JAM3: variants seen among roughly 807,000 people sequenced by gnomAD.
JAM3 encodes the protein junctional adhesion molecule 3.
A neutral mutation model predicts 39.4 loss-of-function variants in JAM3; 31 were observed. The observed-to-expected ratio is 0.79, with a 90% CI of 0.59 to 1.06. The LOEUF (loss-of-function observed/expected upper bound fraction) is 1.06. JAM3 is among the 50% of genes least tolerant of loss of function. The pLI is 0.00. For synonymous variants in JAM3, 182 were observed against 148.7 expected (o/e 1.22, Z -1.63); for missense variants, 455 against 391.4 (o/e 1.16, Z -1.37).
intron 1 of JAM3, among the ~76,000 whole-genome samples, chr11:134,084,951 G>A (rs1941724685): frequency 6.7e-6 from 1 of 149,186 alleles, no homozygotes; most frequent in African/African-American, 2.5e-5. Context: ...ATTCAGTTTG[G>A]GTTAGTGGGA....
chr11:134,076,673 T>A (rs890223549), intron 1 of JAM3, among the ~76,000 whole-genome samples: 13 of 152,148 alleles, frequency 8.5e-5, no homozygotes, highest in African/African-American at 3.1e-4. Context: ...TTTTTTCTAT[T>A]GGTGTGCACC....
At chr11:134,108,594 C>A (rs989556185) in intron 1 of JAM3, among the ~76,000 whole-genome samples, 1 of 151,972 alleles carries the variant, frequency 6.6e-6, no homozygotes, top group Non-Finnish European at 1.5e-5. Flanking sequence ...AGGAAGAAAA[C>A]AAAAACAAAA....
intron 1 of JAM3, among the ~76,000 whole-genome samples, chr11:134,092,095 C>T (rs1941870705): frequency 6.6e-6 from 1 of 152,148 alleles, no homozygotes; most frequent in Non-Finnish European, 1.5e-5. Context: ...GCTCTTGGTG[C>T]AAAGCCGAAA....
chr11:134,130,346 T>C (rs1035348743), intron 1 of JAM3, among the ~76,000 whole-genome samples: 7 of 152,216 alleles, frequency 4.6e-5, no homozygotes, highest in Non-Finnish European at 8.8e-5. Flanking sequence ...ACTATCTGTG[T>C]CTTTTTCCCC....
chr11:134,095,367 C>A (rs1212713857), intron 1 of JAM3, among the ~76,000 whole-genome samples: 1 of 152,104 alleles, frequency 6.6e-6, no homozygotes, highest in Non-Finnish European at 1.5e-5. Flanking sequence ...CGCAGTGGCT[C>A]ACGCCTATAA....
Position 134,124,815 on chromosome 11 carries a change from C to T in JAM3, c.77-15036C>T, listed in dbSNP as rs908148062. Among the ~76,000 whole-genome samples the T allele has an allele frequency of 5.9e-5, 9 of 152,352 alleles. No individual in the cohort carries two copies. In the East Asian group the frequency reaches 7.7e-4, roughly 13 times the overall value. On this transcript the variant is annotated intron_variant, in intron 1 of 8. Transcript: ENST00000299106. ...CACATAGAACCTCTAAGCTTGTCAG[C>T]GAAAACGCTGTGCTGAGCCCGGCAG...
intron 1 of JAM3, among the ~76,000 whole-genome samples, chr11:134,116,441 A>C (rs1942435225): frequency 1.3e-5 from 2 of 152,276 alleles, no homozygotes; most frequent in South Asian, 4.1e-4. Flanking sequence ...GTGTGGATTT[A>C]TGGGTATTGT....
At chr11:134,074,270 G>A (rs1565480252) in intron 1 of JAM3, among the ~76,000 whole-genome samples, 3 of 152,076 alleles carry the variant, frequency 2.0e-5, no homozygotes, top group African/African-American at 4.8e-5. Context: ...GTTGATTCTT[G>A]TATTCCTTTG....
Position 134,149,475 on chromosome 11 carries a change from T to C in JAM3, c.*294T>C. 2 of 554,488 alleles carry C rather than the reference T, an allele frequency of 3.6e-6. No homozygotes were observed. The highest frequency in any genetic ancestry group is 5.4e-5 in the Admixed American group (2 of 36,846). The allele number at this position is 554,488 out of a possible 1,614,324, so 34.3% of individuals were successfully genotyped here. On this transcript the variant is annotated 3_prime_UTR_variant, in exon 9 of 9. Transcript: ENST00000299106. The stretch of plus-strand genomic sequence containing the variant: ...CCTGATTCCCGCATGAGTATTAGGG[T>C]GATCTTAAAGAGTTTGCTCACGTAA...
At chr11:134,094,250 C>T (rs1328572233) in intron 1 of JAM3, among the ~76,000 whole-genome samples, 2 of 132,372 alleles carry the variant, frequency 1.5e-5, no homozygotes, top group Non-Finnish European at 3.3e-5. Flanking sequence ...CCTCCTTATT[C>T]ATCATGTTCC....
intron 1 of JAM3, among the ~76,000 whole-genome samples, chr11:134,088,725 C>T (rs1223027947): frequency 7.7e-6 from 1 of 129,794 alleles, no homozygotes; most frequent in Non-Finnish European, 1.6e-5. Flanking sequence ...AGTAAAATGT[C>T]ACTTAATTGG....
intron 1 of JAM3, among the ~76,000 whole-genome samples, chr11:134,130,465 GCTAA>G (rs1438536254): frequency 2.0e-5 from 3 of 152,226 alleles, no homozygotes; most frequent in East Asian, 3.9e-4. Context: ...TAGTGACAAG[GCTAA>G]CTTACAGTGA....
At chr11:134,096,336 A>C (rs1941982748) in intron 1 of JAM3, among the ~76,000 whole-genome samples, 1 of 152,132 alleles carries the variant, frequency 6.6e-6, no homozygotes, top group South Asian at 2.1e-4. Context: ...ATAAATAGGT[A>C]AGGGTTTGGA....
At chr11:134,125,254 C>T (rs778751975) in intron 1 of JAM3, among the ~76,000 whole-genome samples, 12 of 152,344 alleles carry the variant, frequency 7.9e-5, no homozygotes, top group Non-Finnish European at 1.8e-4. Context: ...CCACATCTTC[C>T]CTGGAAGGAA....
intron 1 of JAM3, among the ~76,000 whole-genome samples, chr11:134,097,068 C>T (rs1319520982): frequency 2.0e-5 from 3 of 152,072 alleles, no homozygotes; most frequent in Admixed American, 6.6e-5. Context: ...CCAGAAGTCC[C>T]TTTGTCATAT....
intron 1 of JAM3, among the ~76,000 whole-genome samples, chr11:134,069,489 T>A (rs1941452220): frequency 6.6e-6 from 1 of 151,356 alleles, no homozygotes; most frequent in Non-Finnish European, 1.5e-5. Context: ...GGTCCTGTGC[T>A]GGGCGGTGGG....
chr11:134,105,593 T>G (rs1031601332), intron 1 of JAM3, among the ~76,000 whole-genome samples: 10 of 152,104 alleles, frequency 6.6e-5, no homozygotes, highest in African/African-American at 2.4e-4. Flanking sequence ...GATTGTATAT[T>G]TAGAAAACCC....
At chr11:134,132,076 C>A (rs541322803) in intron 1 of JAM3, among the ~76,000 whole-genome samples, 44 of 152,218 alleles carry the variant, frequency 2.9e-4, no homozygotes, top group African/African-American at 1.1e-3. Context: ...CATAGACCCA[C>A]AAATCCAAAA....
intron 1 of JAM3, among the ~76,000 whole-genome samples, chr11:134,090,493 TAGATGAGAACAAACA>T (rs1388318897): frequency 6.6e-6 from 1 of 152,190 alleles, no homozygotes; most frequent in African/African-American, 2.4e-5. Flanking sequence ...AAAGGAAAAC[TAGATGAGAACAAACA>T]AGCTGAGTAA....
Sources: gnomAD v4.1 joint callset for allele counts (sites outside exome capture counted in the v4.1 genomes callset) on GRCh38, gnomAD v4.1.1 for gene constraint, MANE v1.5 for transcripts, NCBI Gene and HGNC (gene_info 2026-07-23, HGNC 2026-07-21) for gene names.